The following ASIC2 variants were observed in gnomAD, a reference collection of about 807,000 sequenced individuals.
ASIC2 encodes the protein acid sensing ion channel subunit 2.
A neutral mutation model predicts 57.3 loss-of-function variants in ASIC2; 25 were observed. The ratio of observed to expected loss-of-function variants is 0.44; its 90% CI spans 0.32 to 0.61. ASIC2 has a LOEUF of 0.61. ASIC2 is among the 20% of genes least tolerant of loss of function. The pLI, the probability that ASIC2 is intolerant of heterozygous loss-of-function variation, is 0.06. For missense variants in ASIC2, 641 were observed against 738.1 expected, an observed-to-expected ratio of 0.87 and a Z score of 1.52; for synonymous variants, 319 against 307.5, an observed-to-expected ratio of 1.04 and a Z score of -0.39.
At chr17:33,483,493 A>C (rs1227231017) in intron 1 of ASIC2, among the ~76,000 whole-genome samples, 1 of 152,236 alleles carries the variant, frequency 6.6e-6, no homozygotes, top group Non-Finnish European at 1.5e-5. Context: ...GGGGCTCTGC[A>C]CTGGCAGGTG....
intron 1 of ASIC2, among the ~76,000 whole-genome samples, chr17:33,905,140 GCTT>G (rs1201128658): frequency 8.3e-4 from 106 of 127,286 alleles, no homozygotes; most frequent in African/African-American, 2.9e-3. Flanking sequence ...CTAGTTTAAG[GCTT>G]TTTTTTTTTT....
At chr17:33,640,097 G>A (rs868359333) in intron 1 of ASIC2, among the ~76,000 whole-genome samples, 2 of 152,190 alleles carry the variant, frequency 1.3e-5, no homozygotes, top group South Asian at 4.1e-4. Context: ...AGGATAATTC[G>A]GGTAGGGGAT....
At chr17:33,530,770 C>T (rs558788455) in intron 1 of ASIC2, among the ~76,000 whole-genome samples, 11 of 152,294 alleles carry the variant, frequency 7.2e-5, no homozygotes, top group African/African-American at 2.4e-4. Context: ...TCACAGGTAC[C>T]AAGGGGTTGG....
At chr17:33,095,801 T>C (rs754824754) in intron 2 of ASIC2, among the ~76,000 whole-genome samples, 5 of 152,224 alleles carry the variant, frequency 3.3e-5, no homozygotes, top group Non-Finnish European at 5.9e-5. Context: ...GGCTGATATC[T>C]TTCTGGTCTC....
At chr17:33,592,859 C>G (rs1314032229) in intron 1 of ASIC2, among the ~76,000 whole-genome samples, 2 of 152,208 alleles carry the variant, frequency 1.3e-5, no homozygotes, top group African/African-American at 4.8e-5. Context: ...GCTTGGCCTT[C>G]CATCTCCTGA....
At chr17:33,269,093 G>T (rs967444332) in intron 1 of ASIC2, among the ~76,000 whole-genome samples, 2 of 152,170 alleles carry the variant, frequency 1.3e-5, no homozygotes, top group Non-Finnish European at 2.9e-5. Context: ...GAAGTGCATT[G>T]TGAGGAGTGC....
Position 33,021,310 on chromosome 17 carries a change from T to C in ASIC2, c.1350A>G (p.Ser450=). The stretch of plus-strand genomic sequence containing the variant: ...ATATATCCAGAACAAGGATGTTCTC[T>C]CTGCAGAGAGAATAGTCAGTACCAT... ...KKFNKSEKYI[S]ENILVLDIFF... Residue 450 remains serine, a splice_region_variant and synonymous_variant, in exon 7 of 10, where the codon TCA becomes TCG. Transcript: ENST00000225823. 1 of 1,605,984 alleles carries C rather than the reference T, an allele frequency of 6.2e-7. No homozygotes were observed. Among genetic ancestry groups the C allele is most frequent in the Non-Finnish European group, 8.5e-7 (1 of 1,175,070 alleles).
intron 1 of ASIC2, among the ~76,000 whole-genome samples, chr17:33,275,851 G>A (rs7218156): frequency 0.14 from 21,707 of 152,180 alleles, 1,661 homozygotes; most frequent in South Asian, 0.25. Context: ...GAAAGGCTGG[G>A]AAGAACATGA....
chr17:33,719,745 T>A (rs1477094191), intron 1 of ASIC2, among the ~76,000 whole-genome samples: 1 of 152,224 alleles, frequency 6.6e-6, no homozygotes, highest in East Asian at 1.9e-4. Context: ...GCTTCTCAAA[T>A]GAGCTGGCGG....
chr17:33,639,285 T>A (rs897424865), intron 1 of ASIC2, among the ~76,000 whole-genome samples: 3 of 152,126 alleles, frequency 2.0e-5, no homozygotes, highest in African/African-American at 7.2e-5. Context: ...TATTGAGAAA[T>A]GTGACCAGAC....
At chr17:33,039,033 T>C (rs1179227900) in intron 3 of ASIC2, among the ~76,000 whole-genome samples, 2 of 152,300 alleles carry the variant, frequency 1.3e-5, no homozygotes, top group African/African-American at 4.8e-5. Flanking sequence ...GCTGAGAAGA[T>C]GATGAAACTG....
chr17:33,079,160 G>A (rs116024130), intron 3 of ASIC2, among the ~76,000 whole-genome samples: 3 of 152,230 alleles, frequency 2.0e-5, no homozygotes, highest in East Asian at 3.9e-4. Context: ...TATATGTAAG[G>A]CACCATGTAA....
At chr17:33,951,651 C>T (rs62057442) in intron 1 of ASIC2, among the ~76,000 whole-genome samples, 37,165 of 151,476 alleles carry the variant, frequency 0.25, 5,378 homozygotes, top group Admixed American at 0.35. Flanking sequence ...GGCGCCATCT[C>T]GGCTCACTGC....
intron 1 of ASIC2, among the ~76,000 whole-genome samples, chr17:33,850,993 C>T (rs930193899): frequency 2.0e-5 from 3 of 152,102 alleles, no homozygotes; most frequent in Non-Finnish European, 4.4e-5. Context: ...GCAAGTGGAC[C>T]TTGGAAAGAT....
chr17:33,456,737 C>T (rs544519757), intron 1 of ASIC2, among the ~76,000 whole-genome samples: 1 of 152,148 alleles, frequency 6.6e-6, no homozygotes, highest in African/African-American at 2.4e-5. Flanking sequence ...AGTTATAGTT[C>T]CAGCACTGGA....
At chr17:33,642,602 G>A (rs1201948180) in intron 1 of ASIC2, among the ~76,000 whole-genome samples, 5 of 152,156 alleles carry the variant, frequency 3.3e-5, no homozygotes, top group African/African-American at 4.8e-5. Context: ...CTCACTGTCC[G>A]TCCATCAACC....
chr17:33,994,685 T>C (rs1906099742), intron 1 of ASIC2, among the ~76,000 whole-genome samples: 1 of 152,128 alleles, frequency 6.6e-6, no homozygotes, highest in Non-Finnish European at 1.5e-5. Context: ...GAGAAATCAG[T>C]AGCTGACCCT....
intron 1 of ASIC2, among the ~76,000 whole-genome samples, chr17:33,273,743 A>C (rs1245880052): frequency 1.3e-5 from 2 of 152,158 alleles, no homozygotes; most frequent in African/African-American, 2.4e-5. Flanking sequence ...AGGATTAAAC[A>C]ACTTGCCCAA....
chr17:34,106,202 A>C (rs1911046247), intron 1 of ASIC2, among the ~76,000 whole-genome samples: 1 of 152,262 alleles, frequency 6.6e-6, no homozygotes. Context: ...GGATATCACA[A>C]TTGGAGATAC....
Sources: allele counts gnomAD v4.1 joint callset (sites outside exome capture counted in the v4.1 genomes callset), GRCh38; gene constraint gnomAD v4.1.1; transcripts MANE v1.5; gene names NCBI Gene and HGNC (gene_info 2026-07-23, HGNC 2026-07-21).